The following DENND4C variants were observed in gnomAD, a reference collection of about 807,000 sequenced individuals.
DENND4C encodes the protein DENN domain-containing protein 4C.
A neutral mutation model predicts 203.0 loss-of-function variants in DENND4C; 108 were observed. That is an observed-to-expected ratio of 0.53 (90% CI 0.46 to 0.62). DENND4C has a LOEUF of 0.62. DENND4C is among the 20% of genes least tolerant of loss of function. The pLI, the probability that DENND4C is intolerant of heterozygous loss-of-function variation, is 0.00. For missense variants in DENND4C, 2,481 were observed against 2,301.2 expected (o/e 1.08, Z -1.60); for synonymous variants, 871 against 792.4 (o/e 1.10, Z -1.67).
intron 9 of DENND4C, among the ~76,000 whole-genome samples, chr9:19,302,434 G>T (rs1838777313): frequency 6.6e-6 from 1 of 152,188 alleles, no homozygotes; most frequent in South Asian, 2.1e-4. Context: ...ATAGTTGGAG[G>T]TGTAACATAC....
At chr9:19,268,021 T>A (rs1018561025) in intron 1 of DENND4C, among the ~76,000 whole-genome samples, 2 of 152,132 alleles carry the variant, frequency 1.3e-5, no homozygotes, top group South Asian at 2.1e-4. Flanking sequence ...CATCTTCCTT[T>A]ATGGGAAAGT....
rs375322644 is a variant in DENND4C at position 19,310,573 on chromosome 9, C to T, written c.1487+5046C>T. Among the ~76,000 whole-genome samples the T allele has an allele frequency of 4.1e-4, 62 of 152,272 alleles. 1 individual carries two copies. The South Asian group carries it at 0.011, about 28-fold the overall frequency. On this transcript the variant is annotated intron_variant, in intron 10 of 32. Coordinates refer to ENST00000434457, the MANE Select transcript of DENND4C (RefSeq NM_001330640.2). The stretch of plus-strand genomic sequence containing the variant: ...TTCTTTCAGTAAAAATTTGCCTATC[C>T]TTCCTCTAGAGTTTTGATATCTTAA...
At chr9:19,357,309 G>A in intron 27 of DENND4C, 155 bp downstream of exon 27, 1 of 638,340 alleles carries the variant, frequency 1.6e-6, no homozygotes, top group Non-Finnish European at 2.6e-6. Context: ...ACGAGCTAAT[G>A]AATGAATCTG....
At chr9:19,288,179 G>A (rs1045783514) in intron 3 of DENND4C, among the ~76,000 whole-genome samples, 4 of 152,244 alleles carry the variant, frequency 2.6e-5, no homozygotes. Flanking sequence ...TTAGCTTAAT[G>A]TTGTATAGGC....
intron 6 of DENND4C, among the ~76,000 whole-genome samples, chr9:19,296,802 T>C (rs1261625758): frequency 3.9e-5 from 6 of 152,244 alleles, no homozygotes; most frequent in African/African-American, 1.4e-4. Context: ...ATTTATTCTC[T>C]AATAACCAAG....
intron 1 of DENND4C, among the ~76,000 whole-genome samples, chr9:19,243,874 C>T (rs1824403650): frequency 6.6e-6 from 1 of 152,194 alleles, no homozygotes; most frequent in Admixed American, 6.6e-5. Flanking sequence ...TACAGTGGCA[C>T]AGTCGTCGCT....
chr9:19,370,084 C>T, intron 31 of DENND4C, 97 bp downstream of exon 31: 4 of 1,404,376 alleles, frequency 2.8e-6, no homozygotes, highest in Non-Finnish European at 4.0e-6. Context: ...GTCGAAGAAA[C>T]ACATACTCAT....
intron 30 of DENND4C, among the ~76,000 whole-genome samples, chr9:19,369,294 C>G (rs1175014869): frequency 2.0e-5 from 3 of 152,132 alleles, no homozygotes; most frequent in African/African-American, 7.2e-5. Context: ...CACATTCCAG[C>G]CTCAGGCAGT....
chr9:19,348,531 G>A (rs1823402729), intron 23 of DENND4C, among the ~76,000 whole-genome samples: 1 of 152,138 alleles, frequency 6.6e-6, no homozygotes, highest in Non-Finnish European at 1.5e-5. Context: ...AAAGCATCAT[G>A]TACTTTCAAG....
chr9:19,283,261 C>A (rs1198514927), intron 2 of DENND4C, among the ~76,000 whole-genome samples: 1 of 152,058 alleles, frequency 6.6e-6, no homozygotes, highest in Non-Finnish European at 1.5e-5. Flanking sequence ...ACTATCTCTG[C>A]CTTCCATCGC....
chr9:19,308,226 C>T (rs1054369105), intron 10 of DENND4C, among the ~76,000 whole-genome samples: 3 of 152,130 alleles, frequency 2.0e-5, no homozygotes, highest in African/African-American at 7.2e-5. Context: ...GCTAATGTTG[C>T]TTGGTAGGGA....
rs751419636 is a variant in DENND4C, at chr9:19,350,721, A to G, written c.4337A>G (p.Tyr1446Cys). Residue 1446 changes from tyrosine (Y) to cysteine (C), a missense_variant, in exon 24 of 33, where the codon TAC becomes TGC. This residue lies in a region of DENND4C where 2,289 missense variants were observed against 2,113.3 expected (regional missense o/e 1.08). Transcript: ENST00000434457. ...SDDEEETNRD[Y>C]SFPAGLEDHI... is the part of the protein sequence containing the mutation. ...TTAAAGGAAGAAACTAATAGAGACT[A>G]CAGCTTCCCAGCTGGCCTAGAAGAC... 3.7e-6 allele frequency: 6 copies of G among 1,613,040 alleles called. No individual in the cohort carries two copies. Among genetic ancestry groups the G allele is most frequent in the Non-Finnish European group, 5.1e-6 (6 of 1,179,740 alleles).
intron 20 of DENND4C, among the ~76,000 whole-genome samples, chr9:19,337,958 C>T (rs1468253697): frequency 6.6e-6 from 1 of 152,160 alleles, no homozygotes; most frequent in Non-Finnish European, 1.5e-5. Flanking sequence ...GTGTTATAGG[C>T]ATTGAAGAAT....
At chr9:19,283,733 C>CT (rs1834622284) in intron 2 of DENND4C, among the ~76,000 whole-genome samples, 1 of 149,264 alleles carries the variant, frequency 6.7e-6, no homozygotes, top group Non-Finnish European at 1.5e-5. Context: ...GTAGCTGGGA[C>CT]TACAGGCACC....
In DENND4C at chr9:19,347,063, G is replaced by A; in HGVS notation, c.4294G>A (p.Ala1432Thr). 1.9e-6 allele frequency: 3 copies of A among 1,613,570 alleles called. No individual in the cohort carries two copies. Among genetic ancestry groups the A allele is most frequent in the Non-Finnish European group, 2.5e-6 (3 of 1,179,618 alleles). ...ASKMWVAVASAYSYSDDEEET... is the reference protein window; with the variant it reads ...ASKMWVAVASTYSYSDDEEET... ...TAAGATGTGGGTAGCTGTTGCGTCT[G>A]CCTACAGCTACTCAGATGATGAGGT... Residue 1432 changes from alanine to threonine, a missense_variant, in exon 23 of 33, where the codon GCC (alanine) becomes ACC (threonine). Physicochemically the swap from Ala to Thr is moderately conservative, Grantham distance 58. This residue lies in a region of DENND4C where 2,289 missense variants were observed against 2,113.3 expected (regional missense o/e 1.08). Transcript: ENST00000434457.
chr9:19,275,137 C>T (rs371575616), intron 1 of DENND4C, among the ~76,000 whole-genome samples: 24 of 151,566 alleles, frequency 1.6e-4, no homozygotes, highest in Middle Eastern at 3.4e-3. Context: ...ACCACCACAC[C>T]TGGCTAATTT....
In DENND4C at chr9:19,350,778, C is replaced by G. The variant is rs775552485; in HGVS notation, c.4394C>G (p.Thr1465Arg). The change falls in exon 24 of 33, where the codon ACA (threonine) becomes AGA (arginine). Residue 1465 changes from threonine to arginine, a missense_variant. Thr to Arg is a moderately conservative substitution (Grantham distance 71). Transcript: ENST00000434457. The part of the protein sequence containing the change: ...HILGENISPN[T>R]SISGLVPSEL... ...TTGGGGGAGAATATATCGCCTAACA[C>G]AAGTATCTCAGGGTTGGTCCCCAGT... 6 of 1,613,712 alleles carry G rather than the reference C, an allele frequency of 3.7e-6. No homozygotes were observed. The highest frequency in any genetic ancestry group is 2.2e-5 in the East Asian group (1 of 44,876).
rs773800149 is a variant in DENND4C, at chr9:19,371,839, G to C, written c.5740+19G>C. 1.4e-5 allele frequency: 20 copies of C among 1,396,566 alleles called. No homozygotes were observed. Among genetic ancestry groups the C allele is most frequent in the Middle Eastern group, 3.6e-4 (2 of 5,480 alleles). 86.5% of individuals were successfully genotyped at this position (1,396,566 alleles called of 1,614,324 possible). On this transcript the variant is annotated intron_variant, in intron 32 of 32. Transcript: ENST00000434457. ...GATATTGGTAAGTTGGTTAATAAAA[G>C]ATTATGAAAGGAAGTTTTACATTTT...
At chr9:19,272,434 A>G (rs967518631) in intron 1 of DENND4C, among the ~76,000 whole-genome samples, 1 of 151,744 alleles carries the variant, frequency 6.6e-6, no homozygotes, top group African/African-American at 2.4e-5. Context: ...AAACAAAAAC[A>G]AAAACAAAAA....
Sources: allele counts gnomAD v4.1 joint callset (sites outside exome capture counted in the v4.1 genomes callset), GRCh38; gene constraint gnomAD v4.1.1; regional missense constraint gnomAD v4.1.1; transcripts MANE v1.5; gene names NCBI Gene and HGNC (gene_info 2026-07-23, HGNC 2026-07-21).